POLD2: variants seen among roughly 807,000 people sequenced by gnomAD.
The protein encoded by POLD2 is DNA polymerase delta subunit 2.
A neutral mutation model predicts 48.8 loss-of-function variants in POLD2; 31 were observed. That is an observed-to-expected ratio of 0.64 (90% CI 0.48 to 0.86). POLD2 has a LOEUF of 0.86. Among genes scored for constraint, POLD2 ranks in the 40% least tolerant of loss-of-function variants. The probability of loss-of-function intolerance (pLI) is 0.00; values close to 1 mark genes in which losing one functional copy is unlikely to be tolerated. For synonymous variants in POLD2, 233 were observed against 256.3 expected, an observed-to-expected ratio of 0.91 and a Z score of 0.87; for missense variants, 455 against 610.1, an observed-to-expected ratio of 0.75 and a Z score of 2.68.
At chr7:44,122,282 C>G (rs2096249355) in intron 1 of POLD2, 173 bp from the exon 2 acceptor site, 1 of 1,406,024 alleles carries the variant, frequency 7.1e-7, no homozygotes, top group African/African-American at 1.4e-5. Context: ...GATGTCTCAC[C>G]CTGTAGCGGT....
Position 44,116,157 on chromosome 7 carries a change from T to C in POLD2, c.977A>G (p.Gln326Arg). 1 of 1,613,740 alleles carries C rather than the reference T, an allele frequency of 6.2e-7. No individual in the cohort carries two copies. The highest frequency in any genetic ancestry group is 8.5e-7 in the Non-Finnish European group (1 of 1,180,012). ...FPLATAYSTLQLVTNPYQATI... is the reference protein window; with the variant it reads ...FPLATAYSTLRLVTNPYQATI... ...GGCCTGGTAGGGGTTGGTGACCAGC[T>C]GGAGCGTGGAGTAGGCAGTGGCCAG... Residue 326 changes from glutamine to arginine, a missense_variant, in exon 8 of 11, where the codon CAG (glutamine) becomes CGG (arginine). Physicochemically the swap from Gln to Arg is conservative, Grantham distance 43 (BLOSUM62 1). Around this residue, in one of 3 missense-constraint regions of POLD2, gnomAD observed 349 missense variants for 437.4 expected, o/e 0.80. Coordinates refer to ENST00000610533, the MANE Select transcript of POLD2 (RefSeq NM_006230.4). This position sits in a 1 kb window ranked among gnomAD's most constrained non-coding sequence, Gnocchi z 6.1.
At chr7:44,115,012 A>G in intron 10 of POLD2, 67 bp from the exon 11 acceptor site, 1 of 1,394,256 alleles carries the variant, frequency 7.2e-7, no homozygotes, top group Non-Finnish European at 9.8e-7. Flanking sequence ...AGAAGCTGCC[A>G]GAAATAAACA....
chr7:44,116,197 G>C lies in POLD2; in HGVS notation c.937C>G (p.Pro313Ala). Residue 313 changes from proline (P) to alanine (A), a missense_variant, in exon 8 of 11, where the codon CCC (proline) becomes GCC (alanine). Pro to Ala is a conservative substitution (Grantham distance 27). Around this residue, in one of 3 missense-constraint regions of POLD2, gnomAD observed 349 missense variants for 437.4 expected, o/e 0.80. Coordinates refer to ENST00000610533, the MANE Select transcript of POLD2 (RefSeq NM_006230.4). This position sits in a 1 kb window ranked among gnomAD's most constrained non-coding sequence, Gnocchi z 6.1. The stretch of plus-strand genomic sequence containing the variant: ...GCAGTGGCCAGCGGGAACATGCAGG[G>C]GTGGAGGGGCTGCTGGGGGAGCGTG... ...NYTLPQQPLH[P>A]CMFPLATAYS... is the part of the protein sequence containing the mutation. 6.2e-7 allele frequency: 1 copy of C among 1,613,966 alleles called. No individual in the cohort carries two copies. Among genetic ancestry groups the C allele is most frequent in the Non-Finnish European group, 8.5e-7 (1 of 1,180,000 alleles).
chr7:44,115,629 C>T, intron 9 of POLD2, 137 bp downstream of exon 9: 4 of 1,020,286 alleles, frequency 3.9e-6, no homozygotes, highest in Non-Finnish European at 4.3e-6. Context: ...AGAGCAGGTG[C>T]CAAGCCTCTG....
intron 9 of POLD2, 149 bp from the exon 10 acceptor site, chr7:44,115,545 C>G (rs2096237484): frequency 2.8e-6 from 2 of 724,402 alleles, no homozygotes; most frequent in East Asian, 2.7e-5. Flanking sequence ...TGTCACAAGA[C>G]CTTGGCCCTG....
Position 44,117,960 on chromosome 7 carries a change from G to T in POLD2, c.325C>A (p.Arg109=). The change falls in exon 3 of 11, where the codon CGG becomes AGG. Residue 109 remains arginine (R), a synonymous_variant. Coordinates refer to ENST00000610533, the MANE Select transcript of POLD2 (RefSeq NM_006230.4). The part of the protein sequence containing the change: ...KAMPLQPSIL[R]EVSEEHNLLP... ...TGCCTCACCTCCTCGCTGACCTCCC[G>T]CAGGATGGAGGGCTGCAGCGGCATG... 6.2e-7 allele frequency: 1 copy of T among 1,614,076 alleles called. No homozygotes were observed.
At chr7:44,122,412 T>C (rs2096249514) in intron 1 of POLD2, 2 of 1,109,572 alleles carry the variant, frequency 1.8e-6, no homozygotes, top group Non-Finnish European at 1.1e-6. Flanking sequence ...CAAGTTCAGT[T>C]TGCCCCAAAT....
In POLD2 at chr7:44,116,808, G is replaced by T; in HGVS notation, c.780+9C>A. The T allele has an allele frequency of 1.9e-6, 3 of 1,613,046 alleles. No individual in the cohort carries two copies. The highest frequency in any genetic ancestry group is 2.5e-6 in the Non-Finnish European group (3 of 1,179,724). ...GCTGGGGCTGAATGCAGCCAGGTGGGCTCCATACCTTATTGATAGAATCCC... is the reference window on the plus strand; with the variant it reads ...GCTGGGGCTGAATGCAGCCAGGTGGTCTCCATACCTTATTGATAGAATCCC... On this transcript the variant is annotated intron_variant, in intron 6 of 10. Coordinates refer to ENST00000610533, the MANE Select transcript of POLD2 (RefSeq NM_006230.4). This position sits in a 1 kb window ranked among gnomAD's most constrained non-coding sequence, Gnocchi z 6.1.
intron 1 of POLD2, 72 bp downstream of exon 1, chr7:44,123,439 G>T (rs2096251060): frequency 1.0e-5 from 15 of 1,486,846 alleles, no homozygotes; most frequent in Non-Finnish European, 1.2e-5. Context: ...CCAGCCCACC[G>T]ACCCAGGAGC....
chr7:44,116,571 G>C lies in POLD2; in HGVS notation c.781-61C>G. 1 of 1,328,180 alleles carries C rather than the reference G, an allele frequency of 7.5e-7. No homozygotes were observed. Among genetic ancestry groups the C allele is most frequent in the South Asian group, 1.3e-5 (1 of 79,432 alleles). The allele number at this position is 1,328,180 out of a possible 1,614,324, so 82.3% of individuals were successfully genotyped here. A position where few individuals can be genotyped will look rare whatever the true frequency, so the allele number is the denominator to read the frequency against. On this transcript the variant is annotated intron_variant, in intron 6 of 10. Transcript: ENST00000610533. This position sits in a 1 kb window ranked among gnomAD's most constrained non-coding sequence, Gnocchi z 6.1. ...CGAGTCCCAGGCTCAGAGGAGAGTA[G>C]AGCCCCACCAGCTGGAAGATGCAGT...
chr7:44,117,779 A>G (rs1291618614), intron 3 of POLD2, 37 bp from the exon 4 acceptor site: 1 of 1,613,318 alleles, frequency 6.2e-7, no homozygotes, highest in African/African-American at 1.3e-5. Context: ...TCTTGGGGCC[A>G]GAGCCCACCA....
At chr7:44,120,621 G>C (rs960539711) in intron 2 of POLD2, among the ~76,000 whole-genome samples, 6 of 152,202 alleles carry the variant, frequency 3.9e-5, no homozygotes, top group African/African-American at 1.2e-4. Context: ...ACTGGATTGT[G>C]GGGGTGGATT....
rs2096240420 is a variant in POLD2 at position 44,116,745 on chromosome 7, CT to C, written c.780+71del. On this transcript the variant is annotated intron_variant, in intron 6 of 10. Coordinates refer to ENST00000610533, the MANE Select transcript of POLD2 (RefSeq NM_006230.4). This position sits in a 1 kb window ranked among gnomAD's most constrained non-coding sequence, Gnocchi z 6.1. ...GACCTCACAGGGTACCCTACTCGCC[CT>C]GGGGAAGGAGGGTCTTACAGGCTTG... is the stretch of plus-strand genomic sequence containing the variant. The C allele has an allele frequency of 7.1e-6, 11 of 1,541,570 alleles. No individual in the cohort carries two copies. The highest frequency in any genetic ancestry group is 9.8e-6 in the Non-Finnish European group (11 of 1,120,556).
At chr7:44,123,802 C>CG (rs1195640240), upstream of POLD2, 71 of 991,974 alleles carry the variant, frequency 7.2e-5, no homozygotes, top group South Asian at 2.3e-4. Context: ...GTTGGGCTGA[C>CG]GGGGGGTGTC....
At position 44,117,637 on chromosome 7, in the gene POLD2, C is replaced by T. The variant is rs771866675; in HGVS notation, c.448G>A (p.Val150Met). 7.5e-6 allele frequency: 12 copies of T among 1,606,726 alleles called. No homozygotes were observed. Among genetic ancestry groups the T allele is most frequent in the African/African-American group, 2.7e-5 (2 of 74,854 alleles). Reference sequence around the variant, plus strand: ...TCCCTACCCGTAACCAGCTTTGACACGTCAATGGTGCCTTTTAGTTTGATA... The same window carrying T: ...TCCCTACCCGTAACCAGCTTTGACATGTCAATGGTGCCTTTTAGTTTGATA... The part of the protein sequence containing the change: ...QRIKLKGTID[V>M]SKLVTGTVLA... Residue 150 changes from valine (V) to methionine (M), a missense_variant, in exon 4 of 11, where the codon GTG becomes ATG. By Grantham distance (21) the Val-to-Met change is conservative. This residue lies in a region of POLD2 where 349 missense variants were observed against 437.4 expected (regional missense o/e 0.80). Transcript: ENST00000610533.
intron 1 of POLD2, 91 bp from the exon 2 acceptor site, chr7:44,122,200 G>A: frequency 6.9e-7 from 1 of 1,442,134 alleles, no homozygotes; most frequent in Non-Finnish European, 9.1e-7. Context: ...AGGATACTGG[G>A]AAAAGAAGGA....
rs1476488423 is a variant in POLD2 at position 44,118,667 on chromosome 7, C to T, written c.221-603G>A. Reference sequence around the variant, plus strand: ...AGCTGGGACTACAGGCGTGTGCCACCACGCCCAGCTAATTTTTTTTTTTTT... The same window carrying T: ...AGCTGGGACTACAGGCGTGTGCCACTACGCCCAGCTAATTTTTTTTTTTTT... On this transcript the variant is annotated intron_variant, in intron 2 of 10. Coordinates refer to ENST00000610533, the MANE Select transcript of POLD2 (RefSeq NM_006230.4). Among the ~76,000 whole-genome samples the T allele has an allele frequency of 2.0e-4, 31 of 151,410 alleles. No individual in the cohort carries two copies. In the East Asian group the frequency reaches 4.7e-3, roughly 23 times the overall value.
At position 44,115,516 on chromosome 7, in the gene POLD2, T is replaced by C. The variant is rs186280673; in HGVS notation, c.1148-120A>G. On this transcript the variant is annotated intron_variant, in intron 9 of 10. Coordinates refer to ENST00000610533, the MANE Select transcript of POLD2 (RefSeq NM_006230.4). Reference sequence around the variant, plus strand: ...CAGTAGGAGACCCCCAGTGTGACAATAGGGGCACCTCCAGACATTGTCACA... The same window carrying C: ...CAGTAGGAGACCCCCAGTGTGACAACAGGGGCACCTCCAGACATTGTCACA... The C allele has an allele frequency of 7.4e-5, 57 of 766,120 alleles. No homozygotes were observed. The East Asian group carries it at 7.9e-4, about 11-fold the overall frequency. The allele number at this position is 766,120 out of a possible 1,614,324, so 47.5% of individuals were successfully genotyped here. A position where few individuals can be genotyped will look rare whatever the true frequency, so the allele number is the denominator to read the frequency against.
At chr7:44,122,431 C>T (rs1207824708) in intron 1 of POLD2, 6 of 1,074,770 alleles carry the variant, frequency 5.6e-6, no homozygotes, top group Admixed American at 5.3e-5. Flanking sequence ...ATGGAATTCC[C>T]GATCTGCCTC....
Sources: gnomAD v4.1 joint callset for allele counts (sites outside exome capture counted in the v4.1 genomes callset) on GRCh38, gnomAD v4.1.1 for gene constraint, gnomAD v4.1.1 regional missense constraint, Gnocchi (gnomAD v3.1) non-coding constraint, MANE v1.5 for transcripts, NCBI Gene and HGNC (gene_info 2026-07-23, HGNC 2026-07-21) for gene names.